FIGN: variants seen among roughly 807,000 people sequenced by gnomAD.
The protein encoded by FIGN is fidgetin, microtubule severing factor.
FIGN carries 11 observed loss-of-function variants against 51.3 expected under a neutral mutation model. The observed-to-expected ratio is 0.21, with a 90% confidence interval of 0.13 to 0.35. The LOEUF is 0.35. FIGN is among the 10% of genes least tolerant of loss of function. The pLI is 1.00. For missense variants in FIGN, 857 were observed against 943.6 expected (o/e 0.91, Z 1.20); for synonymous variants, 407 against 363.2 (o/e 1.12, Z -1.37).
At chr2:163,714,816 A>G (rs1302251231) in intron 2 of FIGN, among the ~76,000 whole-genome samples, 1 of 152,226 alleles carries the variant, frequency 6.6e-6, no homozygotes, top group Admixed American at 6.5e-5. Context: ...GGCAGTTAGC[A>G]TGAGTTTCAA....
chr2:163,674,330 C>T (rs991934149), intron 2 of FIGN, among the ~76,000 whole-genome samples: 1 of 152,128 alleles, frequency 6.6e-6, no homozygotes, highest in African/African-American at 2.4e-5. Context: ...TTACGCTTTT[C>T]TAATGTAGAG....
At chr2:163,729,796 T>A (rs2105368512) in intron 2 of FIGN, among the ~76,000 whole-genome samples, 1 of 152,298 alleles carries the variant, frequency 6.6e-6, no homozygotes. Context: ...ATATTTAACA[T>A]AAATACATCT....
Position 163,610,105 on chromosome 2 carries a change from C to A in FIGN, c.1727G>T (p.Cys576Phe), listed in dbSNP as rs1045017804. 1 of 1,613,854 alleles carries A rather than the reference C, an allele frequency of 6.2e-7. No homozygotes were observed. The highest frequency in any genetic ancestry group is 1.3e-5 in the African/African-American group (1 of 74,902). ...AACAAAAATCACCGAGGGCTGGCGA[C>A]ACCTGGCCACAAGAAAAGAGGCATG... ...IIHASFLVARCRQPSVIFVSD... is the reference protein window; with the variant it reads ...IIHASFLVARFRQPSVIFVSD... Residue 576 changes from cysteine (C) to phenylalanine (F), a missense_variant, in exon 3 of 3, where the codon TGT (cysteine) becomes TTT (phenylalanine). Around this residue, in one of 3 missense-constraint regions of FIGN, gnomAD observed 799 missense variants for 849.5 expected, o/e 0.94. Transcript: ENST00000333129.
At position 163,609,918 on chromosome 2, in the gene FIGN, T is replaced by C. The variant is rs1691196799; in HGVS notation, c.1914A>G (p.Glu638=). 6.2e-7 allele frequency: 1 copy of C among 1,613,970 alleles called. No homozygotes were observed. Among genetic ancestry groups the C allele is most frequent in the Admixed American group, 1.7e-5 (1 of 60,014 alleles). Residue 638 remains glutamate (E), a synonymous_variant, in exon 3 of 3, where the codon GAA becomes GAG. Coordinates refer to ENST00000333129, the MANE Select transcript of FIGN (RefSeq NM_018086.4). ...CATSKPEEID[E]SLRRYFMKRL... is the part of the protein sequence containing the mutation. ...GTTTCATGAAGTACCTCCGAAGGGA[T>C]TCATCTATTTCTTCTGGTTTACTGG...
In FIGN at chr2:163,663,925, G is replaced by A. The variant is rs183116342; in HGVS notation, c.26-52119C>T. Among the ~76,000 whole-genome samples, 13 of 152,158 alleles carry A rather than the reference G, an allele frequency of 8.5e-5. No individual in the cohort carries two copies. In the East Asian group the frequency reaches 2.5e-3, roughly 30 times the overall value. On this transcript the variant is annotated intron_variant, in intron 2 of 2. Coordinates refer to ENST00000333129, the MANE Select transcript of FIGN (RefSeq NM_018086.4). Reference sequence around the variant, plus strand: ...AAAAAAAAAGATAGTTTACTCTTTGGCCAGTAAACAAAATGACGACTTACG... The same window carrying A: ...AAAAAAAAAGATAGTTTACTCTTTGACCAGTAAACAAAATGACGACTTACG...
chr2:163,631,234 T>C (rs551382499), intron 2 of FIGN, among the ~76,000 whole-genome samples: 1 of 152,316 alleles, frequency 6.6e-6, no homozygotes, highest in South Asian at 2.1e-4. Context: ...GTTATGGATT[T>C]AGTATTCTAA....
At chr2:163,707,855 C>G (rs551270914) in intron 2 of FIGN, among the ~76,000 whole-genome samples, 12 of 152,140 alleles carry the variant, frequency 7.9e-5, no homozygotes, top group Middle Eastern at 3.4e-3. Flanking sequence ...TACTACTGGT[C>G]TTGATATAAC....
intron 2 of FIGN, among the ~76,000 whole-genome samples, chr2:163,642,610 T>C (rs1024839966): frequency 2.6e-5 from 4 of 152,164 alleles, no homozygotes; most frequent in Non-Finnish European, 5.9e-5. Context: ...TAATAATGTA[T>C]GGCAGACTCT....
chr2:163,720,371 G>C (rs942421869), intron 2 of FIGN, among the ~76,000 whole-genome samples: 12 of 152,142 alleles, frequency 7.9e-5, no homozygotes, highest in Non-Finnish European at 1.6e-4. Flanking sequence ...ACCACTGAAT[G>C]AAAACAATTG....
At chr2:163,720,964 T>C (rs1456202841) in intron 2 of FIGN, among the ~76,000 whole-genome samples, 3 of 151,912 alleles carry the variant, frequency 2.0e-5, no homozygotes, top group Admixed American at 1.3e-4. Flanking sequence ...ACTATGCATA[T>C]AGGGTCAAAA....
intron 2 of FIGN, among the ~76,000 whole-genome samples, chr2:163,655,789 A>G (rs1240421670): frequency 4.2e-5 from 6 of 144,036 alleles, no homozygotes; most frequent in Admixed American, 2.7e-4. Context: ...ACACACGCAC[A>G]CACACACACA....
chr2:163,651,074 G>A (rs576495955), intron 2 of FIGN, among the ~76,000 whole-genome samples: 10 of 152,290 alleles, frequency 6.6e-5, no homozygotes, highest in Non-Finnish European at 1.2e-4. Context: ...ATTAAGTAAC[G>A]TTCTGCACAT....
chr2:163,681,273 A>AAAT (rs138048639), intron 2 of FIGN, among the ~76,000 whole-genome samples: 2,471 of 152,346 alleles, frequency 0.016, 84 homozygotes, highest in African/African-American at 0.056. Flanking sequence ...ACGCTTCATT[A>AAAT]AACTGCTTGC....
intron 2 of FIGN, among the ~76,000 whole-genome samples, chr2:163,670,407 T>C (rs1201619366): frequency 6.6e-6 from 1 of 152,202 alleles, no homozygotes; most frequent in African/African-American, 2.4e-5. Context: ...GGTAAGTATA[T>C]AGTGCAATGA....
intron 2 of FIGN, among the ~76,000 whole-genome samples, chr2:163,717,878 T>C (rs1273625336): frequency 1.3e-5 from 2 of 152,182 alleles, no homozygotes; most frequent in Non-Finnish European, 2.9e-5. Flanking sequence ...CTGTAACCTT[T>C]CTTGAAATGT....
At chr2:163,622,578 T>A (rs898085526) in intron 2 of FIGN, among the ~76,000 whole-genome samples, 2 of 152,056 alleles carry the variant, frequency 1.3e-5, no homozygotes, top group African/African-American at 4.8e-5. Context: ...TTATTATTAT[T>A]TGAGACAGGG....
At chr2:163,661,174 G>A (rs964570837) in intron 2 of FIGN, among the ~76,000 whole-genome samples, 33 of 149,812 alleles carry the variant, frequency 2.2e-4, no homozygotes, top group Non-Finnish European at 3.3e-4. Flanking sequence ...GTGAGCCACC[G>A]CGCCTGGCTA....
At chr2:163,693,202 G>T (rs995672642) in intron 2 of FIGN, among the ~76,000 whole-genome samples, 1 of 152,098 alleles carries the variant, frequency 6.6e-6, no homozygotes, top group Non-Finnish European at 1.5e-5. Context: ...ACTGGCATAG[G>T]CCCTTTATCT....
chr2:163,735,422 TGCAAG>T (rs1573981768), intron 1 of FIGN, among the ~76,000 whole-genome samples: 1 of 152,244 alleles, frequency 6.6e-6, no homozygotes, highest in East Asian at 1.9e-4. Context: ...TTTGTGTGTG[TGCAAG>T]ATTCTTATTT....
Sources: allele counts gnomAD v4.1 joint callset (sites outside exome capture counted in the v4.1 genomes callset), GRCh38; gene constraint gnomAD v4.1.1; regional missense constraint gnomAD v4.1.1; transcripts MANE v1.5; gene names NCBI Gene and HGNC (gene_info 2026-07-23, HGNC 2026-07-21).